BAIAP2L1: variants seen among roughly 807,000 people sequenced by gnomAD.
BAIAP2L1 encodes BAR/IMD domain-containing adapter protein 2-like 1.
A neutral mutation model predicts 66.3 loss-of-function variants in BAIAP2L1; 35 were observed. The ratio of observed to expected loss-of-function variants is 0.53; its 90% CI spans 0.40 to 0.70. The LOEUF is 0.70. BAIAP2L1 is among the 30% of genes least tolerant of loss of function. The pLI is 0.00. For synonymous variants in BAIAP2L1, 269 were observed against 248.7 expected (o/e 1.08, Z -0.77); for missense variants, 622 against 656.9 (o/e 0.95, Z 0.58).
intron 12 of BAIAP2L1, among the ~76,000 whole-genome samples, chr7:98,303,675 T>G (rs769430625): frequency 9.9e-5 from 15 of 152,122 alleles, no homozygotes; most frequent in Non-Finnish European, 2.1e-4. Context: ...GCCCAGGACC[T>G]CCATGCTGGG....
intron 6 of BAIAP2L1, among the ~76,000 whole-genome samples, 194 bp downstream of exon 6, chr7:98,317,025 C>A (rs1277960966): frequency 6.6e-6 from 1 of 152,034 alleles, no homozygotes; most frequent in East Asian, 1.9e-4. Context: ...ATCACCCCAG[C>A]TAGTTTTTGT....
rs750934722 is a variant in BAIAP2L1 at position 98,374,777 on chromosome 7, A to T, written c.52-12345T>A. On this transcript the variant is annotated intron_variant, in intron 1 of 13. Transcript: ENST00000005260. ...TCTTTCCCATAAAAAAAATAAAATAAAATGGAAGAAAGAAAAAGGTGAATC... is the reference window on the plus strand; with the variant it reads ...TCTTTCCCATAAAAAAAATAAAATATAATGGAAGAAAGAAAAAGGTGAATC... Among the ~76,000 whole-genome samples, 98 of 152,326 alleles carry T rather than the reference A, an allele frequency of 6.4e-4. 1 individual carries two copies. Among genetic ancestry groups the T allele is most frequent in the Admixed American group, 1.4e-3 (21 of 15,292 alleles).
Position 98,400,976 on chromosome 7 carries a change from C to T in BAIAP2L1, c.-124G>A, listed in dbSNP as rs1803357067. On this transcript the variant is annotated 5_prime_UTR_variant, in exon 1 of 14. Transcript: ENST00000005260. ...TCTGGAGGGTCGGCCGCCGCCGCAG[C>T]CGTCGGCCCGAGAGTGCCCGCGCGC... 2 of 872,808 alleles carry T rather than the reference C, an allele frequency of 2.3e-6. No individual in the cohort carries two copies. Among genetic ancestry groups the T allele is most frequent in the Non-Finnish European group, 3.1e-6 (2 of 643,348 alleles). 54.1% of individuals were successfully genotyped at this position (872,808 alleles called of 1,614,324 possible). A position where few individuals can be genotyped will look rare whatever the true frequency, so the allele number is the denominator to read the frequency against.
chr7:98,318,604 G>C (rs760126950), intron 5 of BAIAP2L1, among the ~76,000 whole-genome samples: 3 of 151,330 alleles, frequency 2.0e-5, no homozygotes, highest in Non-Finnish European at 2.9e-5. Context: ...ACGGACCCGC[G>C]TCAGAATTCA....
chr7:98,379,654 CTTG>C (rs1469235645), intron 1 of BAIAP2L1, among the ~76,000 whole-genome samples: 2 of 152,144 alleles, frequency 1.3e-5, no homozygotes, highest in Non-Finnish European at 2.9e-5. Flanking sequence ...TAAAAAAAAT[CTTG>C]TTTAGAGACA....
At chr7:98,399,678 A>G (rs1803304349) in intron 1 of BAIAP2L1, among the ~76,000 whole-genome samples, 1 of 152,212 alleles carries the variant, frequency 6.6e-6, no homozygotes, top group Non-Finnish European at 1.5e-5. Context: ...TTAATAGCAG[A>G]TGATTAACAG....
chr7:98,400,476 G>A (rs968136481), intron 1 of BAIAP2L1: 10 of 379,342 alleles, frequency 2.6e-5, no homozygotes, highest in Non-Finnish European at 4.7e-5. Context: ...GGGGAGGAGG[G>A]AGAGTGAACG....
intron 3 of BAIAP2L1, among the ~76,000 whole-genome samples, chr7:98,332,462 G>A (rs1476308227): frequency 2.9e-5 from 4 of 138,670 alleles, no homozygotes; most frequent in Non-Finnish European, 6.1e-5. Context: ...GTACAATCTA[G>A]TCTTCCAATA....
chr7:98,376,847 C>T (rs991701056), intron 1 of BAIAP2L1, among the ~76,000 whole-genome samples: 2 of 152,004 alleles, frequency 1.3e-5, no homozygotes, highest in Non-Finnish European at 2.9e-5. Flanking sequence ...AACAACAAAC[C>T]AACCCACTAA....
At chr7:98,310,222 C>A in intron 9 of BAIAP2L1, 1 of 508,102 alleles carries the variant, frequency 2.0e-6, no homozygotes, top group Non-Finnish European at 3.4e-6. Flanking sequence ...GTGCGTAGAA[C>A]TGGTAAATGT....
At chr7:98,359,273 CTTTTT>C (rs998408583) in intron 2 of BAIAP2L1, among the ~76,000 whole-genome samples, 2 of 139,290 alleles carry the variant, frequency 1.4e-5, no homozygotes, top group Admixed American at 7.3e-5. Context: ...TACTTGCTGT[CTTTTT>C]TTTTTTTTTT....
chr7:98,352,229 G>A lies in BAIAP2L1; in HGVS notation c.214+2813C>T, dbSNP rs546272493. 7.2e-5 allele frequency among the ~76,000 whole-genome samples: 11 copies of A among 152,168 alleles called. No homozygotes were observed. The South Asian group carries it at 2.1e-3, about 29-fold the overall frequency. ...CCTCCTGAGATAGCATTGTACCATG[G>A]AATTGTTCGAAACGAGAAGAAAAAC... On this transcript the variant is annotated intron_variant, in intron 3 of 13. Transcript: ENST00000005260.
chr7:98,354,298 A>G (rs371594010), intron 3 of BAIAP2L1, among the ~76,000 whole-genome samples: 1 of 151,286 alleles, frequency 6.6e-6, no homozygotes, highest in Admixed American at 6.6e-5. Flanking sequence ...TGATGCCCCC[A>G]CTCCTCTGCT....
chr7:98,385,647 C>T (rs1802869124), intron 1 of BAIAP2L1, among the ~76,000 whole-genome samples: 1 of 151,992 alleles, frequency 6.6e-6, no homozygotes, highest in Non-Finnish European at 1.5e-5. Context: ...CTCCTGACCT[C>T]AAGCAAGCTG....
intron 2 of BAIAP2L1, 74 bp downstream of exon 2, chr7:98,362,283 T>C (rs1802284618): frequency 1.9e-5 from 23 of 1,182,050 alleles, no homozygotes; most frequent in South Asian, 2.7e-5. Flanking sequence ...AAAAATTCAA[T>C]ACTAAGCATT....
chr7:98,319,988 G>GT (rs1801199127), intron 5 of BAIAP2L1, 70 bp downstream of exon 5: 1 of 1,278,094 alleles, frequency 7.8e-7, no homozygotes, highest in Non-Finnish European at 1.1e-6. Context: ...TCAACAGTGG[G>GT]AACGAGTTCT....
chr7:98,342,358 G>A (rs116675193), intron 3 of BAIAP2L1, among the ~76,000 whole-genome samples: 2,475 of 152,198 alleles, frequency 0.016, 74 homozygotes, highest in African/African-American at 0.057. Context: ...CTGAGCCACC[G>A]TTCCTGGCTT....
intron 6 of BAIAP2L1, 113 bp downstream of exon 6, chr7:98,317,106 G>A (rs1223637278): frequency 1.5e-6 from 2 of 1,341,200 alleles, no homozygotes; most frequent in Non-Finnish European, 2.1e-6. Flanking sequence ...TACTGCCTCG[G>A]CCTCCCAAAG....
chr7:98,363,884 CTTG>C (rs959624636), intron 1 of BAIAP2L1, among the ~76,000 whole-genome samples: 2 of 152,156 alleles, frequency 1.3e-5, no homozygotes, highest in African/African-American at 2.4e-5. Context: ...TAGGACGACT[CTTG>C]TTTTTAATCA....
Sources: allele counts gnomAD v4.1 joint callset (sites outside exome capture counted in the v4.1 genomes callset), GRCh38; gene constraint gnomAD v4.1.1; transcripts MANE v1.5; gene names NCBI Gene and HGNC (gene_info 2026-07-23, HGNC 2026-07-21).